The following EML5 variants were observed in gnomAD, a reference collection of about 807,000 sequenced individuals.
The protein encoded by EML5 is echinoderm microtubule-associated protein-like 5.
A neutral mutation model predicts 250.0 loss-of-function variants in EML5; 120 were observed. The ratio of observed to expected loss-of-function variants is 0.48; its 90% CI spans 0.41 to 0.56. The LOEUF (loss-of-function observed/expected upper bound fraction) is 0.56. Ranked by LOEUF, EML5 falls within the 20% of genes least tolerant of loss-of-function variation. The pLI is 0.00. For synonymous variants in EML5, 771 were observed against 806.5 expected, an observed-to-expected ratio of 0.96 and a Z score of 0.75; for missense variants, 2,006 against 2,437.6, an observed-to-expected ratio of 0.82 and a Z score of 3.73.
At chr14:88,737,741 C>G (rs1435200498) in intron 6 of EML5, among the ~76,000 whole-genome samples, 1 of 152,048 alleles carries the variant, frequency 6.6e-6, no homozygotes, top group African/African-American at 2.4e-5. Context: ...TAGTTCCTAC[C>G]CATCCTTCAA....
At chr14:88,683,509 T>G (rs541845491) in intron 20 of EML5, among the ~76,000 whole-genome samples, 1 of 152,174 alleles carries the variant, frequency 6.6e-6, no homozygotes, top group African/African-American at 2.4e-5. Flanking sequence ...TACCCTGATA[T>G]CAAAGCCAGA....
intron 8 of EML5, among the ~76,000 whole-genome samples, chr14:88,721,054 C>T (rs764836589): frequency 5.9e-5 from 9 of 152,200 alleles, no homozygotes; most frequent in Non-Finnish European, 1.3e-4. Flanking sequence ...CCTAGGAATA[C>T]AGCTAATAAG....
In EML5 at chr14:88,696,802, C is replaced by G. The variant is rs370644692; in HGVS notation, c.2344+45G>C. 12 of 1,358,654 alleles carry G rather than the reference C, an allele frequency of 8.8e-6. No individual in the cohort carries two copies. In the East Asian group the frequency reaches 2.8e-4, roughly 32 times the overall value. 84.2% of individuals were successfully genotyped at this position (1,358,654 alleles called of 1,614,324 possible). A position where few individuals can be genotyped will look rare whatever the true frequency, so the allele number is the denominator to read the frequency against. On this transcript the variant is annotated intron_variant, in intron 15 of 43. Coordinates refer to ENST00000554922, the MANE Select transcript of EML5 (RefSeq NM_183387.3). ...ACTTAGATTAAAATGCTATGTGTTG[C>G]CTCTGCATTTTGTTAATTCTTACTG...
chr14:88,707,781 C>T (rs545108145), intron 10 of EML5, among the ~76,000 whole-genome samples: 25 of 152,222 alleles, frequency 1.6e-4, no homozygotes, highest in East Asian at 9.7e-4. Flanking sequence ...AATTTAACTT[C>T]GCATAGTTCA....
intron 8 of EML5, among the ~76,000 whole-genome samples, chr14:88,721,255 G>GA (rs375714564): frequency 5.3e-5 from 8 of 152,140 alleles, no homozygotes; most frequent in South Asian, 2.1e-4. Flanking sequence ...CAAAGAATTA[G>GA]AAAAAAACTA....
At chr14:88,719,065 C>T (rs1176779009) in intron 8 of EML5, among the ~76,000 whole-genome samples, 4 of 152,130 alleles carry the variant, frequency 2.6e-5, no homozygotes, top group African/African-American at 9.7e-5. Flanking sequence ...CAGAGAGAGA[C>T]AAGTGGCTAG....
At chr14:88,727,998 T>C (rs1474158133) in intron 7 of EML5, among the ~76,000 whole-genome samples, 2 of 152,224 alleles carry the variant, frequency 1.3e-5, no homozygotes, top group Non-Finnish European at 2.9e-5. Context: ...GTTACTATTT[T>C]GAAGTAAGTT....
At chr14:88,764,882 T>C (rs1236261621) in intron 1 of EML5, among the ~76,000 whole-genome samples, 2 of 152,208 alleles carry the variant, frequency 1.3e-5, no homozygotes, top group Non-Finnish European at 2.9e-5. Context: ...CTCTATATGA[T>C]TTCAATTCTT....
chr14:88,766,888 A>T (rs2094327407), intron 1 of EML5, among the ~76,000 whole-genome samples: 1 of 152,146 alleles, frequency 6.6e-6, no homozygotes, highest in African/African-American at 2.4e-5. Context: ...ATAGAAAAGG[A>T]CCCACGTTGA....
intron 6 of EML5, among the ~76,000 whole-genome samples, 176 bp downstream of exon 6, chr14:88,738,703 T>C (rs1294143092): frequency 6.6e-6 from 1 of 152,134 alleles, no homozygotes; most frequent in Admixed American, 6.6e-5. Context: ...CTAAACTCTT[T>C]ACAGGCAAAA....
At chr14:88,730,502 T>C (rs985760426) in intron 7 of EML5, among the ~76,000 whole-genome samples, 1 of 152,224 alleles carries the variant, frequency 6.6e-6, no homozygotes, top group Non-Finnish European at 1.5e-5. Context: ...TGTTTAAGAC[T>C]GTTAGCCTTT....
intron 4 of EML5, among the ~76,000 whole-genome samples, chr14:88,741,306 G>T (rs1028673843): frequency 7.2e-5 from 11 of 152,134 alleles, no homozygotes; most frequent in Non-Finnish European, 1.2e-4. Context: ...GAAAAAAAGA[G>T]TATGCTACAG....
intron 34 of EML5, chr14:88,627,270 T>C: frequency 1.8e-6 from 1 of 563,166 alleles, no homozygotes; most frequent in East Asian, 2.9e-5. Context: ...CGTAAATGTT[T>C]TGTCTAAAGT....
At chr14:88,688,619 A>G in intron 17 of EML5, 146 bp from the exon 18 acceptor site, 1 of 786,062 alleles carries the variant, frequency 1.3e-6, no homozygotes, top group Non-Finnish European at 2.1e-6. Flanking sequence ...AGGTGTCTCA[A>G]TCAGTGATGT....
chr14:88,635,917 A>T (rs1417685471), intron 32 of EML5, among the ~76,000 whole-genome samples: 1 of 152,198 alleles, frequency 6.6e-6, no homozygotes, highest in African/African-American at 2.4e-5. Context: ...GCCATCTGCA[A>T]ATACAGAGAA....
chr14:88,645,566 G>C lies in EML5; in HGVS notation c.4029-1055C>G, dbSNP rs572588587. On this transcript the variant is annotated intron_variant, in intron 29 of 43. Coordinates refer to ENST00000554922, the MANE Select transcript of EML5 (RefSeq NM_183387.3). ...AATATTTCTATGAACGTTCCACACT[G>C]TTAGCAACATAAATCACATCCGAGT... Among the ~76,000 whole-genome samples, 4 of 152,248 alleles carry C rather than the reference G, an allele frequency of 2.6e-5. No homozygotes were observed. The South Asian group carries it at 6.2e-4, about 24-fold the overall frequency.
At chr14:88,698,022 C>T (rs961371606) in intron 14 of EML5, among the ~76,000 whole-genome samples, 3 of 152,274 alleles carry the variant, frequency 2.0e-5, no homozygotes, top group African/African-American at 7.2e-5. Flanking sequence ...CAGGTGTGAG[C>T]TACCGCACCT....
intron 23 of EML5, 26 bp from the exon 24 acceptor site, chr14:88,663,145 T>C: frequency 2.1e-6 from 3 of 1,446,946 alleles, no homozygotes; most frequent in Non-Finnish European, 1.9e-6. Flanking sequence ...TAAAAATATT[T>C]ACACATATAA....
chr14:88,622,801 G>A (rs1253189479), intron 36 of EML5, 83 bp from the exon 37 acceptor site: 28 of 837,770 alleles, frequency 3.3e-5, no homozygotes, highest in Non-Finnish European at 1.1e-5. Flanking sequence ...GTTATAAGCA[G>A]AATCTTTTTT....
Sources: gnomAD v4.1 joint callset for allele counts (sites outside exome capture counted in the v4.1 genomes callset) on GRCh38, gnomAD v4.1.1 for gene constraint, MANE v1.5 for transcripts, NCBI Gene and HGNC (gene_info 2026-07-23, HGNC 2026-07-21) for gene names.